Variants in PRH1 observed in about 807,000 individuals in gnomAD.
PRH1 encodes the protein salivary acidic proline-rich phosphoprotein 1/2.
A neutral mutation model predicts 7.9 loss-of-function variants in PRH1; 7 were observed. The ratio of observed to expected loss-of-function variants is 0.89; its 90% confidence interval spans 0.50 to 1.67. The LOEUF (loss-of-function observed/expected upper bound fraction) is 1.67. Among genes scored for constraint, PRH1 ranks in the 40% most tolerant of loss-of-function variants. The pLI is 0.00. For synonymous variants in PRH1, 45 were observed against 80.8 expected, an observed-to-expected ratio of 0.56 and a Z score of 2.38; for missense variants, 109 against 223.6, an observed-to-expected ratio of 0.49 and a Z score of 3.27.
At position 11,085,535 on chromosome 12, in the gene PRH1, T is replaced by C. The variant is rs955535160; in HGVS notation, n.124-38347A>G. Among the ~76,000 whole-genome samples the C allele has an allele frequency of 6.0e-5, 7 of 117,050 alleles. 1 individual carries two copies. The highest frequency in any genetic ancestry group is 2.3e-4 in the South Asian group (1 of 4,310). 76.8% of individuals were successfully genotyped at this position (117,050 alleles called of 152,430 possible). ...ATTTCTATGTGTACCTGATTTCTGA[T>C]TGTGCAGTAATGTTCTGGTTCCTTT... On this transcript the variant is annotated intron_variant and non_coding_transcript_variant, in intron 1 of 4. Transcript: ENST00000541977.
intron 2 of PRH1, among the ~76,000 whole-genome samples, chr12:10,965,953 G>A (rs1938480502): frequency 6.6e-6 from 1 of 152,112 alleles, no homozygotes; most frequent in South Asian, 2.1e-4. Flanking sequence ...TCTTATTCCT[G>A]CTAACCAGTA....
chr12:11,152,846 C>T (rs1947141100), intron 1 of PRH1, among the ~76,000 whole-genome samples: 1 of 152,086 alleles, frequency 6.6e-6, no homozygotes, highest in South Asian at 2.1e-4. Flanking sequence ...TGATGATCAC[C>T]ATGAGAATAG....
At chr12:11,119,395 G>T (rs984607863), downstream of PRH1, among the ~76,000 whole-genome samples, 1 of 151,816 alleles carries the variant, frequency 6.6e-6, no homozygotes, top group Non-Finnish European at 1.5e-5. Flanking sequence ...TGATAATTTA[G>T]CTGTACATTT....
chr12:11,068,117 G>A (rs565993623), intron 1 of PRH1, among the ~76,000 whole-genome samples: 53 of 151,620 alleles, frequency 3.5e-4, no homozygotes, highest in African/African-American at 1.1e-3. Context: ...CATTAACATC[G>A]ATGTTACCAC....
intron 1 of PRH1, among the ~76,000 whole-genome samples, chr12:11,098,997 T>G (rs1449457586): frequency 2.6e-5 from 4 of 152,166 alleles, no homozygotes; most frequent in Non-Finnish European, 5.9e-5. Flanking sequence ...TCTCTAATTC[T>G]TAGGCCTTTG....
Position 11,148,833 on chromosome 12 carries a change from A to G in PRH1, n.39+22589T>C, listed in dbSNP as rs1225713468. 4.0e-5 allele frequency among the ~76,000 whole-genome samples: 5 copies of G among 126,290 alleles called. No homozygotes were observed. In the East Asian group the frequency reaches 6.1e-4, roughly 15 times the overall value. The allele number at this position is 126,290 out of a possible 152,430, so 82.9% of individuals were successfully genotyped here. ...GTTAGGGAGGATTCCCTCTTTTTCT[A>G]TTGATTGGAATAGTTTCAGAAGGAA... is the stretch of plus-strand genomic sequence containing the variant. On this transcript the variant is annotated intron_variant and non_coding_transcript_variant, in intron 1 of 1. Coordinates refer to the PRH1 transcript ENST00000541175.
intron 1 of PRH1, among the ~76,000 whole-genome samples, chr12:11,150,043 T>C (rs1475913309): frequency 1.5e-5 from 2 of 132,658 alleles, no homozygotes; most frequent in Admixed American, 7.7e-5. Flanking sequence ...AGAAGACATT[T>C]ATGCAGCCAA....
At chr12:10,930,576 G>A in intron 2 of PRH1, 1 of 1,575,230 alleles carries the variant, frequency 6.3e-7, no homozygotes, top group East Asian at 2.2e-5. Context: ...GGAGAGAGGG[G>A]CCGGCCGTGT....
intron 1 of PRH1, among the ~76,000 whole-genome samples, chr12:11,029,365 T>C (rs1207706631): frequency 6.6e-6 from 1 of 152,232 alleles, no homozygotes; most frequent in African/African-American, 2.4e-5. Context: ...TCATAGATAC[T>C]TTTTTAACAT....
chr12:11,164,159 G>C (rs1947502427), intron 1 of PRH1, among the ~76,000 whole-genome samples: 1 of 152,190 alleles, frequency 6.6e-6, no homozygotes, highest in South Asian at 2.1e-4. Context: ...CTCTGTAAAG[G>C]TGTTTCTAGA....
At chr12:11,038,649 A>T (rs1942560844) in intron 1 of PRH1, among the ~76,000 whole-genome samples, 1 of 152,230 alleles carries the variant, frequency 6.6e-6, no homozygotes, top group South Asian at 2.1e-4. Flanking sequence ...ATAGTATTCC[A>T]TTGTATAAGT....
At chr12:11,149,387 C>T (rs531902555) in intron 1 of PRH1, among the ~76,000 whole-genome samples, 103 of 152,306 alleles carry the variant, frequency 6.8e-4, no homozygotes, top group Non-Finnish European at 1.0e-3. Flanking sequence ...AAGAACAAAG[C>T]TGGAGGCATC....
At chr12:11,140,685 A>T (rs1946677596) in intron 1 of PRH1, among the ~76,000 whole-genome samples, 1 of 152,164 alleles carries the variant, frequency 6.6e-6, no homozygotes, top group African/African-American at 2.4e-5. Context: ...TGAAAGCTGA[A>T]TTCTCATATA....
intron 1 of PRH1, among the ~76,000 whole-genome samples, chr12:11,037,550 A>T (rs1181879977): frequency 6.6e-6 from 1 of 152,258 alleles, no homozygotes; most frequent in Non-Finnish European, 1.5e-5. Flanking sequence ...ATTTAATTTA[A>T]TATCCATCGT....
intron 1 of PRH1, among the ~76,000 whole-genome samples, chr12:10,975,767 T>G (rs1275241576): frequency 7.1e-6 from 1 of 141,210 alleles, no homozygotes; most frequent in African/African-American, 2.6e-5. Flanking sequence ...AAAAACAGAG[T>G]TACTATTCTA....
intron 1 of PRH1, among the ~76,000 whole-genome samples, chr12:11,144,612 G>T (rs1423664643): frequency 1.3e-5 from 2 of 152,198 alleles, no homozygotes; most frequent in Non-Finnish European, 2.9e-5. Context: ...TGGCCAGGAG[G>T]CTTCTTGACC....
intron 1 of PRH1, among the ~76,000 whole-genome samples, chr12:11,109,888 G>A (rs1363446543): frequency 6.6e-6 from 1 of 151,988 alleles, no homozygotes; most frequent in African/African-American, 2.4e-5. Flanking sequence ...AAGAAGCATG[G>A]TCTAACCCAA....
chr12:10,939,883 T>C (rs113464550), intron 2 of PRH1, among the ~76,000 whole-genome samples: 15 of 152,358 alleles, frequency 9.8e-5, no homozygotes, highest in Middle Eastern at 3.4e-3. Flanking sequence ...ACCTGTTATC[T>C]GTTATATTTA....
upstream of PRH1, chr12:11,171,551 G>A: frequency 8.1e-7 from 1 of 1,232,172 alleles, no homozygotes. Context: ...TCCGATTGCA[G>A]GTACATATTT....
Sources: allele counts gnomAD v4.1 joint callset (sites outside exome capture counted in the v4.1 genomes callset), GRCh38; gene constraint gnomAD v4.1.1; transcripts MANE v1.5; gene names NCBI Gene and HGNC (gene_info 2026-07-23, HGNC 2026-07-21).